LRRC37A2: variants seen among roughly 807,000 people sequenced by gnomAD.
LRRC37A2 encodes leucine-rich repeat-containing protein 37A2.
Under a neutral mutation model 68.8 loss-of-function variants are expected in LRRC37A2, and 9 were observed. The ratio of observed to expected loss-of-function variants is 0.13; its 90% CI spans 0.08 to 0.23. LRRC37A2 has a LOEUF of 0.23. LRRC37A2 is among the 10% of genes least tolerant of loss of function. LRRC37A2 has a pLI of 1.00. For missense variants in LRRC37A2, 168 were observed against 950.4 expected (o/e 0.18, Z 10.82); for synonymous variants, 63 against 367.6 (o/e 0.17, Z 9.48).
At chr17:47,017,597 C>T in the LRRC37A2 span, 1 of 1,599,792 alleles carries the variant, frequency 6.3e-7, no homozygotes, top group Non-Finnish European at 8.5e-7. Flanking sequence ...ATTTAAAGGA[C>T]AAGCTGAGTC....
At chr17:46,990,395 C>A in the LRRC37A2 span, among the ~76,000 whole-genome samples, 1 of 152,284 alleles carries the variant, frequency 6.6e-6, no homozygotes, top group Non-Finnish European at 1.5e-5. Context: ...AAGATCTTTG[C>A]CAATGTCCTT....
chr17:46,776,925 C>A, the LRRC37A2 span, among the ~76,000 whole-genome samples: 2 of 152,292 alleles, frequency 1.3e-5, no homozygotes, highest in Admixed American at 6.5e-5. Flanking sequence ...CCCCCTCTCC[C>A]AGCCCTTGCT....
the LRRC37A2 span, among the ~76,000 whole-genome samples, chr17:46,855,730 G>A: frequency 3.9e-5 from 6 of 152,274 alleles, no homozygotes; most frequent in African/African-American, 7.2e-5. Flanking sequence ...ACGGAGTCTC[G>A]CTCTGTCACC....
the LRRC37A2 span, among the ~76,000 whole-genome samples, chr17:46,825,634 T>A: frequency 6.6e-6 from 1 of 152,220 alleles, no homozygotes; most frequent in Non-Finnish European, 1.5e-5. Flanking sequence ...TGAGCACTGA[T>A]GAGCAAAAGC....
the LRRC37A2 span, among the ~76,000 whole-genome samples, chr17:46,934,007 A>G: frequency 9.3e-4 from 142 of 152,108 alleles, no homozygotes; most frequent in African/African-American, 3.2e-3. Flanking sequence ...ATTGGCAGAA[A>G]AGAGAAGGGA....
the LRRC37A2 span, among the ~76,000 whole-genome samples, chr17:46,804,927 C>G: frequency 2.1e-5 from 3 of 145,382 alleles, no homozygotes; most frequent in African/African-American, 5.0e-5. Context: ...CCACCCCCCC[C>G]ACCCCCAAGC....
At chr17:46,824,051 C>T in the LRRC37A2 span, among the ~76,000 whole-genome samples, 1,137 of 152,204 alleles carry the variant, frequency 7.5e-3, 11 homozygotes, top group African/African-American at 0.026. Flanking sequence ...CCCCTTCAGG[C>T]GCCCAGGAGC....
chr17:46,892,012 T>A, the LRRC37A2 span, among the ~76,000 whole-genome samples: 1 of 148,252 alleles, frequency 6.7e-6, no homozygotes, highest in Non-Finnish European at 1.5e-5. Context: ...CTCCACCTCA[T>A]GGGTTCAAGT....
chr17:46,725,481 G>A, the LRRC37A2 span, among the ~76,000 whole-genome samples: 26 of 152,096 alleles, frequency 1.7e-4, no homozygotes, highest in African/African-American at 6.3e-4. Flanking sequence ...AAAGAGGTAA[G>A]GAAGGAACTG....
At chr17:46,516,954 A>AC (rs1337350424) in intron 2 of LRRC37A2, 5 of 326,160 alleles carry the variant, frequency 1.5e-5, no homozygotes, top group Non-Finnish European at 3.0e-5. Context: ...CTTTGGTGTT[A>AC]CCTGGCATAG....
the LRRC37A2 span, among the ~76,000 whole-genome samples, chr17:46,636,854 CTT>C: frequency 2.7e-5 from 4 of 146,474 alleles, no homozygotes. Flanking sequence ...TTCAATATTT[CTT>C]TCTTTCTTTT....
At chr17:46,771,992 A>G in the LRRC37A2 span, among the ~76,000 whole-genome samples, 3 of 150,620 alleles carry the variant, frequency 2.0e-5, no homozygotes, top group African/African-American at 7.3e-5. Flanking sequence ...GACTCGCGGA[A>G]GACGCGCGCC....
chr17:46,951,514 T>C, the LRRC37A2 span, among the ~76,000 whole-genome samples: 1 of 152,196 alleles, frequency 6.6e-6, no homozygotes. Context: ...AGGTGCCTTT[T>C]AACTGGCGTA....
chr17:46,714,059 T>C, the LRRC37A2 span: 3 of 1,444,080 alleles, frequency 2.1e-6, no homozygotes, highest in Non-Finnish European at 2.8e-6. Context: ...TATATGCCTT[T>C]GTACATGTAT....
chr17:46,911,927 G>A, the LRRC37A2 span, among the ~76,000 whole-genome samples: 3 of 152,212 alleles, frequency 2.0e-5, no homozygotes, highest in East Asian at 5.8e-4. Context: ...ACCTGGATAT[G>A]AGGAGCTCGT....
the LRRC37A2 span, chr17:46,851,647 C>A: frequency 5.0e-4 from 638 of 1,281,348 alleles, 13 homozygotes; most frequent in Non-Finnish European, 4.2e-5. The surrounding 1 kb of genome is among the most constrained non-coding windows in gnomAD (Gnocchi z 4.3). Flanking sequence ...CCATGCGCCC[C>A]CCGCCCGCGC....
At chr17:47,005,087 A>G in the LRRC37A2 span, among the ~76,000 whole-genome samples, 1 of 152,152 alleles carries the variant, frequency 6.6e-6, no homozygotes, top group African/African-American at 2.4e-5. Flanking sequence ...TCACTTCCTA[A>G]CTCTGTTTTT....
the LRRC37A2 span, chr17:46,929,517 T>A: frequency 6.6e-7 from 1 of 1,509,882 alleles, no homozygotes; most frequent in Non-Finnish European, 9.2e-7. Flanking sequence ...CTTCCTTTGA[T>A]AGGCAGGTCC....
the LRRC37A2 span, among the ~76,000 whole-genome samples, chr17:46,621,816 C>G: frequency 8.3e-6 from 1 of 120,906 alleles, no homozygotes; most frequent in South Asian, 2.5e-4. Flanking sequence ...ACCCCACACA[C>G]TGTATTTGTC....
Sources: allele counts gnomAD v4.1 joint callset (sites outside exome capture counted in the v4.1 genomes callset), GRCh38; gene constraint gnomAD v4.1.1; non-coding constraint Gnocchi (gnomAD v3.1); transcripts MANE v1.5; gene names NCBI Gene and HGNC (gene_info 2026-07-23, HGNC 2026-07-21).